VASH1: variants seen among roughly 807,000 people sequenced by gnomAD.
VASH1 encodes vasohibin 1.
A neutral mutation model predicts 35.0 loss-of-function variants in VASH1; 16 were observed. The ratio of observed to expected loss-of-function variants is 0.46; its 90% confidence interval spans 0.31 to 0.70. The LOEUF (loss-of-function observed/expected upper bound fraction) is 0.70, where lower values mean the gene tolerates loss of function less well. Among genes scored for constraint, VASH1 ranks in the 30% least tolerant of loss-of-function variants. VASH1 has a pLI of 0.05. For missense variants in VASH1, 505 were observed against 510.7 expected, an observed-to-expected ratio of 0.99 and a Z score of 0.11; for synonymous variants, 214 against 200.9, an observed-to-expected ratio of 1.07 and a Z score of -0.55.
In VASH1 at chr14:76,776,281, C is replaced by A. The variant is rs202090620; in HGVS notation, c.912+8C>A. On this transcript the variant is annotated splice_region_variant and intron_variant, in intron 5 of 6. Transcript: ENST00000167106. ...CGCGACATGCGGCTCAAGGTCTGCC[C>A]GCCTTCCACGCCCTCGCCCCCTCCC... is the stretch of plus-strand genomic sequence containing the variant. 1.3e-6 allele frequency: 2 copies of A among 1,565,388 alleles called. No homozygotes were observed. Among genetic ancestry groups the A allele is most frequent in the East Asian group, 2.3e-5 (1 of 43,332 alleles).
chr14:76,769,289 G>T (rs1159144754), intron 1 of VASH1: 1 of 1,288,188 alleles, frequency 7.8e-7, no homozygotes, highest in Non-Finnish European at 1.0e-6. Flanking sequence ...TACTGACTAG[G>T]TGTGGAGCTG....
intron 2 of VASH1, 48 bp from the exon 3 acceptor site, chr14:76,771,142 T>C (rs1021040449): frequency 1.3e-6 from 2 of 1,489,028 alleles, no homozygotes; most frequent in Admixed American, 2.2e-5. Flanking sequence ...GAAGAGAGGG[T>C]CAACCTCCTT....
chr14:76,779,056 G>A lies in VASH1; in HGVS notation c.*38G>A. 1.9e-6 allele frequency: 3 copies of A among 1,609,150 alleles called. No individual in the cohort carries two copies. The highest frequency in any genetic ancestry group is 1.3e-5 in the African/African-American group (1 of 74,996). On this transcript the variant is annotated 3_prime_UTR_variant, in exon 7 of 7. Transcript: ENST00000167106. Reference sequence around the variant, plus strand: ...CACCCCAGGCCCCACCCACTCTTGGGGGCCAGGATCCACCTGCTGGAACCA... The same window carrying A: ...CACCCCAGGCCCCACCCACTCTTGGAGGCCAGGATCCACCTGCTGGAACCA...
chr14:76,773,423 GC>G lies in VASH1; in HGVS notation c.530+213del, dbSNP rs972083996. The G allele has an allele frequency of 3.0e-5, 17 of 567,272 alleles. No homozygotes were observed. In the African/African-American group the frequency reaches 3.2e-4, roughly 11 times the overall value. 35.1% of individuals were successfully genotyped at this position (567,272 alleles called of 1,614,324 possible). A position where few individuals can be genotyped will look rare whatever the true frequency, so the allele number is the denominator to read the frequency against. On this transcript the variant is annotated intron_variant, in intron 4 of 6. Transcript: ENST00000167106. ...GGTCCCAGTACCCCACATCTCAGTT[GC>G]TACCTTCCCAGGCTTACTGGGCAGC...
intron 1 of VASH1, among the ~76,000 whole-genome samples, chr14:76,763,902 G>T (rs924696942): frequency 2.6e-5 from 4 of 152,158 alleles, no homozygotes; most frequent in Non-Finnish European, 4.4e-5. Flanking sequence ...AAGGCCTCCT[G>T]TGTGCCTGGC....
chr14:76,766,342 G>A (rs562700566), intron 1 of VASH1, among the ~76,000 whole-genome samples: 1 of 152,352 alleles, frequency 6.6e-6, no homozygotes, highest in Non-Finnish European at 1.5e-5. Flanking sequence ...CCCAGCTGCT[G>A]AAGGTCTTTT....
intron 1 of VASH1, chr14:76,769,371 C>G (rs1341912619): frequency 1.6e-6 from 2 of 1,289,062 alleles, no homozygotes; most frequent in Non-Finnish European, 2.0e-6. Context: ...TACAGCAAGA[C>G]CTGTTCCAAA....
intron 4 of VASH1, 181 bp downstream of exon 4, chr14:76,773,392 C>T: frequency 1.6e-6 from 1 of 610,112 alleles, no homozygotes; most frequent in South Asian, 2.1e-5. Flanking sequence ...AATGGAGGAG[C>T]CCCGAGGTCC....
rs958819713 is a variant in VASH1 at position 76,770,112 on chromosome 14, A to G, written c.398+61A>G. On this transcript the variant is annotated intron_variant, in intron 2 of 6. Transcript: ENST00000167106. ...GGCCGGTGTGGTGGGCCTTGTTTCC[A>G]GGCAGAGCTGGAGAGGTATCAGCAG... 8 of 1,518,486 alleles carry G rather than the reference A, an allele frequency of 5.3e-6. No homozygotes were observed. In the African/African-American group the frequency reaches 5.5e-5, roughly 10 times the overall value. The allele number at this position is 1,518,486 out of a possible 1,614,324, so 94.1% of individuals were successfully genotyped here.
In VASH1 at chr14:76,779,868, G is replaced by A. The variant is rs1353091636; in HGVS notation, c.*850G>A. ...TGGCTGTGGGAGTTGAGCAAACCCT[G>A]GGTGCCAGTCCAGGAGCTGTGGCTG... is the stretch of plus-strand genomic sequence containing the variant. On this transcript the variant is annotated 3_prime_UTR_variant, in exon 7 of 7. Coordinates refer to ENST00000167106, the MANE Select transcript of VASH1 (RefSeq NM_014909.5). 4 of 328,676 alleles carry A rather than the reference G, an allele frequency of 1.2e-5. No homozygotes were observed. Among genetic ancestry groups the A allele is most frequent in the Non-Finnish European group, 2.2e-5 (4 of 179,940 alleles). 20.4% of individuals were successfully genotyped at this position (328,676 alleles called of 1,614,324 possible). A position where few individuals can be genotyped will look rare whatever the true frequency, so the allele number is the denominator to read the frequency against.
In VASH1 at chr14:76,781,573, G is replaced by A. The variant is rs1894108424; in HGVS notation, c.*2555G>A. 6.6e-6 allele frequency: 1 copy of A among 152,126 alleles called. No homozygotes were observed. Among genetic ancestry groups the A allele is most frequent in the Non-Finnish European group, 1.5e-5 (1 of 68,064 alleles). 9.4% of individuals were successfully genotyped at this position (152,126 alleles called of 1,614,324 possible). On this transcript the variant is annotated 3_prime_UTR_variant, in exon 7 of 7. Transcript: ENST00000167106. ...CTGGAGTCTTAGGAGGTTCCAACTT[G>A]CAGGATCCTTTCCCAGAGCCCTCCA...
chr14:76,770,921 C>G (rs1893777871), intron 2 of VASH1, among the ~76,000 whole-genome samples: 2 of 152,252 alleles, frequency 1.3e-5, no homozygotes, highest in South Asian at 4.1e-4. Flanking sequence ...GGGCGCTGTT[C>G]CCAGCCACAG....
rs768715503 is a variant in VASH1 at position 76,776,006 on chromosome 14, C to T, written c.645C>T (p.Tyr215=). 5 of 1,612,974 alleles carry T rather than the reference C, an allele frequency of 3.1e-6. No individual in the cohort carries two copies. In the African/African-American group the frequency reaches 5.3e-5, roughly 17 times the overall value. Residue 215 remains tyrosine, a synonymous_variant, in exon 5 of 7, where the codon TAC becomes TAT. Transcript: ENST00000167106. ...TGGGGGTGAACTTCGCGGGCCGCTA[C>T]GGTGCGCTGGGCATGAGTCGGCGCG... ...IVLGVNFAGR[Y]GALGMSRRED...
Position 76,775,880 on chromosome 14 carries a change from G to T in VASH1, c.531-12G>T. On this transcript the variant is annotated splice_polypyrimidine_tract_variant and intron_variant, in intron 4 of 6. Transcript: ENST00000167106. ...CTTCTCCTGGCTCTTTCCTTAGCGG[G>T]GCACTGGCCAGTTACCTCACCAACA... 6.5e-7 allele frequency: 1 copy of T among 1,549,370 alleles called. No individual in the cohort carries two copies. The highest frequency in any genetic ancestry group is 8.7e-7 in the Non-Finnish European group (1 of 1,144,536).
chr14:76,778,811 G>T (rs1019453517), intron 6 of VASH1, 135 bp from the exon 7 acceptor site: 1 of 843,246 alleles, frequency 1.2e-6, no homozygotes, highest in Non-Finnish European at 2.0e-6. Flanking sequence ...ACTTCCATAC[G>T]CACTGTGCTG....
intron 1 of VASH1, among the ~76,000 whole-genome samples, chr14:76,767,286 A>ATAAATAAAT (rs1555358666): frequency 1.3e-5 from 2 of 151,808 alleles, no homozygotes; most frequent in African/African-American, 2.4e-5. Flanking sequence ...AAATAAATAA[A>ATAAATAAAT]AAGTCACGAC....
Position 76,776,287 on chromosome 14 carries a change from C to T in VASH1, c.912+14C>T. ...ATGCGGCTCAAGGTCTGCCCGCCTTCCACGCCCTCGCCCCCTCCCTCGCCC... is the reference window on the plus strand; with the variant it reads ...ATGCGGCTCAAGGTCTGCCCGCCTTTCACGCCCTCGCCCCCTCCCTCGCCC... On this transcript the variant is annotated intron_variant, in intron 5 of 6. Coordinates refer to ENST00000167106, the MANE Select transcript of VASH1 (RefSeq NM_014909.5). 1.3e-6 allele frequency: 2 copies of T among 1,553,078 alleles called. No homozygotes were observed. The highest frequency in any genetic ancestry group is 1.7e-6 in the Non-Finnish European group (2 of 1,154,450).
intron 2 of VASH1, 81 bp downstream of exon 2, chr14:76,770,132 C>T: frequency 1.5e-6 from 2 of 1,350,168 alleles, no homozygotes; most frequent in South Asian, 2.4e-5. Context: ...GGAGAGGTAT[C>T]AGCAGAGCCG....
At position 76,782,444 on chromosome 14, in the gene VASH1, G is replaced by A. The variant is rs1349194647; in HGVS notation, c.*3426G>A. 2 of 152,306 alleles carry A rather than the reference G, an allele frequency of 1.3e-5. No individual in the cohort carries two copies. Among genetic ancestry groups the A allele is most frequent in the Non-Finnish European group, 2.9e-5 (2 of 68,074 alleles). The allele number at this position is 152,306 out of a possible 1,614,324, so 9.4% of individuals were successfully genotyped here. On this transcript the variant is annotated 3_prime_UTR_variant, in exon 7 of 7. Coordinates refer to ENST00000167106, the MANE Select transcript of VASH1 (RefSeq NM_014909.5). Reference sequence around the variant, plus strand: ...TGGCTGGTCGAGTGACCAGAGGCCTGTGTGAATGTGTGCACCTGCTTTTCC... The same window carrying A: ...TGGCTGGTCGAGTGACCAGAGGCCTATGTGAATGTGTGCACCTGCTTTTCC...
Sources: allele counts gnomAD v4.1 joint callset (sites outside exome capture counted in the v4.1 genomes callset), GRCh38; gene constraint gnomAD v4.1.1; transcripts MANE v1.5; gene names NCBI Gene and HGNC (gene_info 2026-07-23, HGNC 2026-07-21).